The following PLCL1 variants were observed in gnomAD, a reference collection of about 807,000 sequenced individuals.
PLCL1 encodes phospholipase C like 1 (inactive).
PLCL1 carries 41 observed loss-of-function variants against 84.4 expected under a neutral mutation model. The ratio of observed to expected loss-of-function variants is 0.49; its 90% confidence interval spans 0.38 to 0.63. The LOEUF (loss-of-function observed/expected upper bound fraction) is 0.63. PLCL1 is among the 30% of genes least tolerant of loss of function. The pLI, the probability that PLCL1 is intolerant of heterozygous loss-of-function variation, is 0.00. For synonymous variants in PLCL1, 490 were observed against 488.3 expected, an observed-to-expected ratio of 1.00 and a Z score of -0.05; for missense variants, 1,206 against 1,367.8, an observed-to-expected ratio of 0.88 and a Z score of 1.87.
chr2:197,946,269 C>G (rs990540440), intron 1 of PLCL1, among the ~76,000 whole-genome samples: 15 of 152,014 alleles, frequency 9.9e-5, no homozygotes, highest in African/African-American at 3.4e-4. Flanking sequence ...ACATATTTGA[C>G]TAAATAAAAT....
intron 1 of PLCL1, among the ~76,000 whole-genome samples, chr2:197,820,341 T>C (rs1690791763): frequency 6.6e-6 from 1 of 152,104 alleles, no homozygotes; most frequent in African/African-American, 2.4e-5. Flanking sequence ...ATCTTATAGT[T>C]CTAGAGTCAT....
chr2:198,051,761 C>T (rs571079576), intron 1 of PLCL1, among the ~76,000 whole-genome samples: 64 of 152,082 alleles, frequency 4.2e-4, no homozygotes, highest in Non-Finnish European at 7.5e-4. Flanking sequence ...ATTTAGACGG[C>T]GTCTTGCTCT....
chr2:197,904,177 A>C (rs1042064795), intron 1 of PLCL1, among the ~76,000 whole-genome samples: 1 of 152,206 alleles, frequency 6.6e-6, no homozygotes, highest in South Asian at 2.1e-4. Context: ...GGTGCAAAGA[A>C]GAATAAAACA....
chr2:197,960,925 G>A lies in PLCL1; in HGVS notation c.241-122833G>A, dbSNP rs114840245. Among the ~76,000 whole-genome samples, 664 of 152,170 alleles carry A rather than the reference G, an allele frequency of 4.4e-3. 5 individuals carry two copies. The highest frequency in any genetic ancestry group is 0.015 in the African/African-American group (619 of 41,534). ...GTAATTCGGTAATGTTAGAATCTCT[G>A]TCAGTTTCTTGGCAAATAGTATTCG... is the stretch of plus-strand genomic sequence containing the variant. On this transcript the variant is annotated intron_variant, in intron 1 of 5. Transcript: ENST00000428675.
intron 1 of PLCL1, among the ~76,000 whole-genome samples, chr2:197,883,317 A>AT (rs1394076317): frequency 1.2e-4 from 18 of 152,134 alleles, no homozygotes; most frequent in African/African-American, 4.1e-4. Context: ...TACTAATCAG[A>AT]TTTTCTCTGT....
intron 1 of PLCL1, among the ~76,000 whole-genome samples, chr2:197,828,838 A>G (rs1009832533): frequency 6.6e-6 from 1 of 152,220 alleles, no homozygotes; most frequent in Non-Finnish European, 1.5e-5. Flanking sequence ...AAACAATTCC[A>G]TAAATGGTTA....
intron 1 of PLCL1, among the ~76,000 whole-genome samples, chr2:197,862,004 A>AT (rs780800057): frequency 1.2e-4 from 18 of 152,206 alleles, no homozygotes; most frequent in Non-Finnish European, 1.8e-4. Context: ...GGAATTGTAT[A>AT]TATGTGATTA....
chr2:198,043,185 G>A (rs1691705844), intron 1 of PLCL1, among the ~76,000 whole-genome samples: 1 of 152,178 alleles, frequency 6.6e-6, no homozygotes, highest in Non-Finnish European at 1.5e-5. Context: ...TTTAAAAACA[G>A]TGAAAACTGG....
At chr2:198,089,097 T>C (rs755483076) in intron 3 of PLCL1, 36 bp downstream of exon 3, 1 of 1,456,668 alleles carries the variant, frequency 6.9e-7, no homozygotes, top group East Asian at 2.3e-5. Context: ...TTTACGTGTG[T>C]GTGTGTGTGA....
chr2:197,957,158 C>T (rs1689512229), intron 1 of PLCL1, among the ~76,000 whole-genome samples: 1 of 151,998 alleles, frequency 6.6e-6, no homozygotes, highest in Non-Finnish European at 1.5e-5. Context: ...TTTTTTCCAA[C>T]TCACTTCCAC....
At chr2:198,021,453 T>C (rs908643825) in intron 1 of PLCL1, among the ~76,000 whole-genome samples, 1 of 151,846 alleles carries the variant, frequency 6.6e-6, no homozygotes, top group Non-Finnish European at 1.5e-5. Flanking sequence ...AATCAATGAA[T>C]CCAGGAGCTG....
At chr2:198,040,067 C>T (rs1384039384) in intron 1 of PLCL1, among the ~76,000 whole-genome samples, 4 of 152,124 alleles carry the variant, frequency 2.6e-5, no homozygotes, top group African/African-American at 4.8e-5. Context: ...GTCTTAAATA[C>T]GACTTGATAC....
intron 1 of PLCL1, among the ~76,000 whole-genome samples, chr2:197,978,374 G>T (rs1690030133): frequency 6.6e-6 from 1 of 152,220 alleles, no homozygotes; most frequent in South Asian, 2.1e-4. Context: ...CTACTCGGGA[G>T]GCTGAGGCAG....
At chr2:198,059,015 C>T (rs1692128615) in intron 1 of PLCL1, among the ~76,000 whole-genome samples, 1 of 152,154 alleles carries the variant, frequency 6.6e-6, no homozygotes, top group Non-Finnish European at 1.5e-5. Context: ...GTTTCATTGC[C>T]TATAACCCCC....
At chr2:197,920,954 G>A (rs1304843237) in intron 1 of PLCL1, among the ~76,000 whole-genome samples, 1 of 152,132 alleles carries the variant, frequency 6.6e-6, no homozygotes, top group South Asian at 2.1e-4. Context: ...GTCATGTGTC[G>A]CTAACGACAG....
intron 1 of PLCL1, among the ~76,000 whole-genome samples, chr2:197,928,799 T>C (rs1016988074): frequency 2.0e-5 from 3 of 152,172 alleles, no homozygotes; most frequent in African/African-American, 7.2e-5. Context: ...ATAACTTAGA[T>C]ATTACAATAG....
At chr2:198,115,881 G>C (rs965105941) in intron 5 of PLCL1, among the ~76,000 whole-genome samples, 1 of 149,948 alleles carries the variant, frequency 6.7e-6, no homozygotes, top group African/African-American at 2.4e-5. Flanking sequence ...AGATTTGAGC[G>C]AGGACACAGC....
At chr2:198,115,751 T>A (rs1325798832) in intron 5 of PLCL1, among the ~76,000 whole-genome samples, 1 of 151,516 alleles carries the variant, frequency 6.6e-6, no homozygotes, top group Non-Finnish European at 1.5e-5. Flanking sequence ...TATAAAACCA[T>A]CAGGTCTCGT....
At position 197,941,811 on chromosome 2, in the gene PLCL1, T is replaced by C. The variant is rs549612763; in HGVS notation, c.240+136472T>C. Among the ~76,000 whole-genome samples the C allele has an allele frequency of 2.2e-3, 338 of 152,270 alleles. 3 individuals are homozygous for C. Among genetic ancestry groups the C allele is most frequent in the African/African-American group, 7.6e-3 (314 of 41,568 alleles). On this transcript the variant is annotated intron_variant, in intron 1 of 5. Transcript: ENST00000428675. Reference sequence around the variant, plus strand: ...AACATCTTAGCCCCACTGGTGCCTTTAATACTGTTTGGAATTATTTTATTC... The same window carrying C: ...AACATCTTAGCCCCACTGGTGCCTTCAATACTGTTTGGAATTATTTTATTC...
Sources: gnomAD v4.1 joint callset for allele counts (sites outside exome capture counted in the v4.1 genomes callset) on GRCh38, gnomAD v4.1.1 for gene constraint, MANE v1.5 for transcripts, NCBI Gene and HGNC (gene_info 2026-07-23, HGNC 2026-07-21) for gene names.